The following CDC5L variants were observed in gnomAD, a reference collection of about 807,000 sequenced individuals.
CDC5L encodes cell division cycle 5-like protein.
In CDC5L, 18 loss-of-function variants were observed where a neutral mutation model predicts 104.1. The ratio of observed to expected loss-of-function variants is 0.17; its 90% CI spans 0.12 to 0.26. The LOEUF (loss-of-function observed/expected upper bound fraction) is 0.26, where lower values mean the gene tolerates loss of function less well. Ranked by LOEUF, CDC5L falls within the 10% of genes least tolerant of loss-of-function variation. CDC5L has a pLI of 1.00. For missense variants in CDC5L, 673 were observed against 956.9 expected (o/e 0.70, Z 3.91); for synonymous variants, 331 against 322.7 (o/e 1.03, Z -0.28).
intron 5 of CDC5L, among the ~76,000 whole-genome samples, chr6:44,399,147 C>A (rs1418052366): frequency 1.3e-5 from 2 of 152,160 alleles, no homozygotes; most frequent in Non-Finnish European, 2.9e-5. Flanking sequence ...GAGACGGAGT[C>A]TCGCTATGTT....
In CDC5L at chr6:44,396,443, ATG is replaced by A. The variant is rs1790871157; in HGVS notation, c.539+8_539+9del. On this transcript the variant is annotated splice_donor_5th_base_variant and intron_variant, in intron 5 of 15. Coordinates refer to ENST00000371477, the MANE Select transcript of CDC5L (RefSeq NM_001253.4). ...GAGAAACAATTGGAAGAAGCAAGGT[ATG>A]TGTGGATATAGGAATAAAAAGCAAA... The A allele has an allele frequency of 6.4e-7, 1 of 1,570,400 alleles. No homozygotes were observed. Among genetic ancestry groups the A allele is most frequent in the Admixed American group, 1.7e-5 (1 of 58,484 alleles).
chr6:44,446,805 C>A lies in CDC5L; in HGVS notation c.*94C>A. The A allele has an allele frequency of 3.2e-6, 2 of 634,664 alleles. No homozygotes were observed. The highest frequency in any genetic ancestry group is 5.5e-6 in the Non-Finnish European group (2 of 365,342). 39.3% of individuals were successfully genotyped at this position (634,664 alleles called of 1,614,324 possible). A position where few individuals can be genotyped will look rare whatever the true frequency, so the allele number is the denominator to read the frequency against. On this transcript the variant is annotated 3_prime_UTR_variant, in exon 16 of 16. Coordinates refer to ENST00000371477, the MANE Select transcript of CDC5L (RefSeq NM_001253.4). ...ATGTTTATCTTCATTGACAAATTTACCCACCATCTGTGGTTTTTCAGTTGT... is the reference window on the plus strand; with the variant it reads ...ATGTTTATCTTCATTGACAAATTTAACCACCATCTGTGGTTTTTCAGTTGT...
Position 44,390,249 on chromosome 6 carries a change from C to G in CDC5L, c.46-19C>G, listed in dbSNP as rs763809694. On this transcript the variant is annotated intron_variant, in intron 1 of 15. Coordinates refer to ENST00000371477, the MANE Select transcript of CDC5L (RefSeq NM_001253.4). ...TTGGAGTTTTGTGACTGAATGTACT[C>G]TTTGGCAATTTTTTTTAGGATGAAA... 1.1e-5 allele frequency: 18 copies of G among 1,567,562 alleles called. No homozygotes were observed. Among genetic ancestry groups the G allele is most frequent in the South Asian group, 3.3e-5 (3 of 89,846 alleles).
chr6:44,430,104 G>A (rs988878124), intron 14 of CDC5L, among the ~76,000 whole-genome samples, 194 bp downstream of exon 14: 1 of 145,156 alleles, frequency 6.9e-6, no homozygotes, highest in African/African-American at 2.5e-5. Flanking sequence ...TTTTGTTTTT[G>A]TTTTTTTTTT....
chr6:44,403,122 C>A (rs1398569090), intron 5 of CDC5L, among the ~76,000 whole-genome samples: 2 of 151,978 alleles, frequency 1.3e-5, no homozygotes, highest in Non-Finnish European at 2.9e-5. Flanking sequence ...TTTTCATTAC[C>A]AGTGCAGCAG....
intron 9 of CDC5L, among the ~76,000 whole-genome samples, chr6:44,421,534 G>A (rs1792171256): frequency 6.6e-6 from 1 of 152,170 alleles, no homozygotes; most frequent in Admixed American, 6.5e-5. Flanking sequence ...AACACTTCTT[G>A]AGAGTCTTGT....
rs1292967624 is a variant in CDC5L, at chr6:44,392,654, C to A, written c.150-13C>A. The A allele has an allele frequency of 1.2e-6, 2 of 1,608,784 alleles. No individual in the cohort carries two copies. Among genetic ancestry groups the A allele is most frequent in the African/African-American group, 2.7e-5 (2 of 74,640 alleles). The stretch of plus-strand genomic sequence containing the variant: ...GTAACTGATTAATATATAAAATGAT[C>A]TATGTTTAATAGGTATGAATGGCTG... On this transcript the variant is annotated splice_polypyrimidine_tract_variant and intron_variant, in intron 2 of 15. Transcript: ENST00000371477.
chr6:44,408,266 G>A (rs1791464299), intron 7 of CDC5L, among the ~76,000 whole-genome samples, 178 bp from the exon 8 acceptor site: 1 of 150,276 alleles, frequency 6.7e-6, no homozygotes, highest in African/African-American at 2.4e-5. Context: ...TTAAAATGTT[G>A]GTTTTTTTTT....
Position 44,438,549 on chromosome 6 carries a change from A to C in CDC5L, c.2092-7106A>C, listed in dbSNP as rs1334647420. On this transcript the variant is annotated intron_variant, in intron 14 of 15. Transcript: ENST00000371477. The stretch of plus-strand genomic sequence containing the variant: ...AATTCTGAAGTTTAGCTGTGGTTGA[A>C]AACCACTGGCGTAAAAAGACATACT... Among the ~76,000 whole-genome samples the C allele has an allele frequency of 2.1e-4, 32 of 152,226 alleles. 1 individual carries two copies. Among genetic ancestry groups the C allele is most frequent in the Admixed American group, 2.1e-3 (32 of 15,280 alleles).
At position 44,406,206 on chromosome 6, in the gene CDC5L, C is replaced by G; in HGVS notation, c.759-117C>G. 3.8e-6 allele frequency: 3 copies of G among 790,272 alleles called. No homozygotes were observed. The South Asian group carries it at 5.9e-5, about 16-fold the overall frequency. The allele number at this position is 790,272 out of a possible 1,614,324, so 49.0% of individuals were successfully genotyped here. The stretch of plus-strand genomic sequence containing the variant: ...CGTGAGCCATTGCACCTGGCCTTTT[C>G]AGTTATTTTCTTAGAAATGAGGTTG... On this transcript the variant is annotated intron_variant, in intron 6 of 15. Transcript: ENST00000371477.
At chr6:44,435,798 T>TG in intron 14 of CDC5L, 1 of 151,876 alleles carries the variant, frequency 6.6e-6, no homozygotes, top group East Asian at 2.0e-4. Context: ...TTTTTTTTTT[T>TG]TGAGATGGAA....
chr6:44,400,230 A>G (rs1561968868), intron 5 of CDC5L, among the ~76,000 whole-genome samples: 1 of 151,692 alleles, frequency 6.6e-6, no homozygotes, highest in South Asian at 2.1e-4. Context: ...CGTTGCTTGC[A>G]TTTTTTCTAG....
chr6:44,425,737 T>G (rs1792388903), intron 11 of CDC5L, among the ~76,000 whole-genome samples: 1 of 152,190 alleles, frequency 6.6e-6, no homozygotes, highest in Non-Finnish European at 1.5e-5. Flanking sequence ...ATACATTTTT[T>G]GGCTGGCTTT....
intron 14 of CDC5L, among the ~76,000 whole-genome samples, chr6:44,433,986 C>G (rs1037573312): frequency 6.6e-6 from 1 of 152,106 alleles, no homozygotes; most frequent in Non-Finnish European, 1.5e-5. Flanking sequence ...CTTATGTTGC[C>G]TTGTGTAGAG....
chr6:44,432,604 A>G (rs1792736381), intron 14 of CDC5L, among the ~76,000 whole-genome samples: 1 of 152,164 alleles, frequency 6.6e-6, no homozygotes, highest in Non-Finnish European at 1.5e-5. Flanking sequence ...GAAACTTAGC[A>G]CTTAAGTGAA....
At chr6:44,426,241 C>T (rs1328734586) in intron 12 of CDC5L, 58 bp downstream of exon 12, 21 of 1,197,522 alleles carry the variant, frequency 1.8e-5, no homozygotes, top group Non-Finnish European at 1.8e-5. Context: ...ATGATTGCTG[C>T]GTTTTACATC....
At chr6:44,401,989 A>AT (rs1791151703) in intron 5 of CDC5L, among the ~76,000 whole-genome samples, 1 of 129,784 alleles carries the variant, frequency 7.7e-6, no homozygotes, top group Non-Finnish European at 1.6e-5. Context: ...TGAACTCATC[A>AT]TTTTTTATGG....
chr6:44,430,364 G>GT (rs1792621902), intron 14 of CDC5L, among the ~76,000 whole-genome samples: 1 of 150,344 alleles, frequency 6.7e-6, no homozygotes, highest in South Asian at 2.1e-4. Flanking sequence ...ATTACTGTGA[G>GT]TTTGAGTTAG....
Position 44,387,714 on chromosome 6 carries a change from C to G in CDC5L, c.-110C>G. Reference sequence around the variant, plus strand: ...CTTGCGCTTGCGCAGATCTTCAAAGCAGAAGGTCGCGCTTGGAGGAAGTGG... The same window carrying G: ...CTTGCGCTTGCGCAGATCTTCAAAGGAGAAGGTCGCGCTTGGAGGAAGTGG... On this transcript the variant is annotated 5_prime_UTR_variant, in exon 1 of 16. Transcript: ENST00000371477. The G allele has an allele frequency of 1.0e-6, 1 of 968,402 alleles. No homozygotes were observed. Among genetic ancestry groups the G allele is most frequent in the Non-Finnish European group, 1.6e-6 (1 of 622,254 alleles). The allele number at this position is 968,402 out of a possible 1,614,324, so 60.0% of individuals were successfully genotyped here.
Sources: gnomAD v4.1 joint callset for allele counts (sites outside exome capture counted in the v4.1 genomes callset) on GRCh38, gnomAD v4.1.1 for gene constraint, MANE v1.5 for transcripts, NCBI Gene and HGNC (gene_info 2026-07-23, HGNC 2026-07-21) for gene names.